The following SLIT2 variants were observed in gnomAD, a reference collection of about 807,000 sequenced individuals.
SLIT2 encodes slit guidance ligand 2.
A neutral mutation model predicts 185.7 loss-of-function variants in SLIT2; 41 were observed. The observed-to-expected ratio is 0.22, with a 90% CI of 0.17 to 0.29. The LOEUF (loss-of-function observed/expected upper bound fraction) is 0.29, where lower values mean the gene tolerates loss of function less well. SLIT2 is among the 10% of genes least tolerant of loss of function. SLIT2 has a pLI of 1.00. For missense variants in SLIT2, 1,571 were observed against 1,909.0 expected, an observed-to-expected ratio of 0.82 and a Z score of 3.30; for synonymous variants, 693 against 680.2, an observed-to-expected ratio of 1.02 and a Z score of -0.29.
At position 20,567,545 on chromosome 4, in the gene SLIT2, G is replaced by A; in HGVS notation, c.2878G>A (p.Ala960Thr). 1 of 1,613,312 alleles carries A rather than the reference G, an allele frequency of 6.2e-7. No homozygotes were observed. Among genetic ancestry groups the A allele is most frequent in the South Asian group, 1.1e-5 (1 of 91,052 alleles). ...GCAGGACTGTGATGTCCCAATTCATGCCTGCATCAGTAACCCATGTAAACA... is the reference window on the plus strand; with the variant it reads ...GCAGGACTGTGATGTCCCAATTCATACCTGCATCAGTAACCCATGTAAACA... Reference protein sequence around the residue: ...KGQDCDVPIHACISNPCKHGG... With the variant: ...KGQDCDVPIHTCISNPCKHGG... The change falls in exon 28 of 37, where the codon GCC becomes ACC. Residue 960 changes from alanine (A) to threonine (T), a missense_variant. By Grantham distance (58) the Ala-to-Thr change is moderately conservative. Transcript: ENST00000504154.
chr4:20,495,133 C>T (rs1718119102), intron 9 of SLIT2, among the ~76,000 whole-genome samples: 1 of 152,086 alleles, frequency 6.6e-6, no homozygotes, highest in South Asian at 2.1e-4. Flanking sequence ...CAATGAGCCA[C>T]CTTTCAGACT....
intron 4 of SLIT2, among the ~76,000 whole-genome samples, chr4:20,353,197 T>A (rs1162642350): frequency 6.6e-6 from 1 of 152,168 alleles, no homozygotes; most frequent in Non-Finnish European, 1.5e-5. Context: ...AATGACATAT[T>A]TCTGCCAGAT....
intron 4 of SLIT2, among the ~76,000 whole-genome samples, chr4:20,384,058 C>T (rs1447275868): frequency 2.0e-5 from 3 of 151,130 alleles, no homozygotes; most frequent in East Asian, 3.9e-4. Context: ...TTTATTCACA[C>T]CAAGGCTTAT....
chr4:20,384,247 G>A (rs763368382), intron 4 of SLIT2, among the ~76,000 whole-genome samples: 8 of 152,166 alleles, frequency 5.3e-5, no homozygotes, highest in Non-Finnish European at 8.8e-5. Flanking sequence ...ACTCTCAAAA[G>A]CATTATGTTA....
In SLIT2 at chr4:20,531,407, C is replaced by T. The variant is rs1295150977; in HGVS notation, c.1614-577C>T. Among the ~76,000 whole-genome samples the T allele has an allele frequency of 2.0e-5, 3 of 152,066 alleles. No individual in the cohort carries two copies. In the East Asian group the frequency reaches 5.8e-4, roughly 29 times the overall value. ...CATGATTCCGTTTATGCAAAATGCC[C>T]AGACTAGGAAAATTAGTAAAAGCAA... On this transcript the variant is annotated intron_variant, in intron 16 of 36. Coordinates refer to ENST00000504154, the MANE Select transcript of SLIT2 (RefSeq NM_004787.4).
At chr4:20,530,522 A>T (rs535137068) in intron 16 of SLIT2, among the ~76,000 whole-genome samples, 7 of 152,164 alleles carry the variant, frequency 4.6e-5, no homozygotes, top group Non-Finnish European at 2.9e-5. Flanking sequence ...AGCTCAAGCA[A>T]TCCTCCTGCC....
chr4:20,390,302 T>C (rs1386944257), intron 4 of SLIT2, among the ~76,000 whole-genome samples: 1 of 152,148 alleles, frequency 6.6e-6, no homozygotes, highest in Non-Finnish European at 1.5e-5. Context: ...CATTGAATAA[T>C]TGACACTATT....
At chr4:20,425,518 G>A (rs1304505779) in intron 4 of SLIT2, among the ~76,000 whole-genome samples, 7 of 152,064 alleles carry the variant, frequency 4.6e-5, no homozygotes, top group South Asian at 4.1e-4. Flanking sequence ...CACGTGTGTG[G>A]TGTATATCTA....
At chr4:20,357,946 CTTAT>C (rs772665778) in intron 4 of SLIT2, among the ~76,000 whole-genome samples, 102 of 151,746 alleles carry the variant, frequency 6.7e-4, no homozygotes, top group Non-Finnish European at 1.1e-3. Flanking sequence ...ATACTTTTTC[CTTAT>C]TTATTTAAGG....
intron 12 of SLIT2, among the ~76,000 whole-genome samples, chr4:20,522,131 G>A (rs186063536): frequency 6.6e-6 from 1 of 151,940 alleles, no homozygotes; most frequent in East Asian, 1.9e-4. Flanking sequence ...ATCACCAAAG[G>A]GACCTTTTCA....
At chr4:20,563,808 A>T (rs963770611) in intron 26 of SLIT2, among the ~76,000 whole-genome samples, 6 of 151,808 alleles carry the variant, frequency 4.0e-5, no homozygotes, top group African/African-American at 1.5e-4. Flanking sequence ...TCTAAGAAAG[A>T]GTGTCAGTAC....
chr4:20,549,746 A>C (rs1244113241), intron 24 of SLIT2, among the ~76,000 whole-genome samples: 3 of 151,558 alleles, frequency 2.0e-5, no homozygotes, highest in African/African-American at 7.3e-5. Flanking sequence ...TATATGAATA[A>C]AAATATATAT....
intron 26 of SLIT2, among the ~76,000 whole-genome samples, chr4:20,564,151 T>C (rs1421217092): frequency 1.3e-5 from 2 of 151,792 alleles, no homozygotes; most frequent in African/African-American, 4.8e-5. Context: ...AGATTAAAGT[T>C]GTCATTCTCC....
At chr4:20,277,308 C>T (rs993995849) in intron 4 of SLIT2, among the ~76,000 whole-genome samples, 2 of 151,994 alleles carry the variant, frequency 1.3e-5, no homozygotes, top group African/African-American at 2.4e-5. Flanking sequence ...AGTAAAGACA[C>T]AAAAGACATT....
chr4:20,429,672 T>C (rs776523175), intron 4 of SLIT2, among the ~76,000 whole-genome samples: 9 of 152,236 alleles, frequency 5.9e-5, no homozygotes, highest in Non-Finnish European at 1.0e-4. Context: ...TCTTTGAGAA[T>C]TGAGTATTTC....
chr4:20,362,831 C>T (rs893451599), intron 4 of SLIT2, among the ~76,000 whole-genome samples: 1 of 151,774 alleles, frequency 6.6e-6, no homozygotes, highest in Non-Finnish European at 1.5e-5. Context: ...TATATTTTAG[C>T]CTAATACTTC....
intron 4 of SLIT2, among the ~76,000 whole-genome samples, chr4:20,339,944 C>G (rs1040608245): frequency 3.3e-5 from 5 of 152,182 alleles, no homozygotes; most frequent in African/African-American, 4.8e-5. Flanking sequence ...AAGGATCATT[C>G]TAATTGCCTT....
chr4:20,477,361 G>A lies in SLIT2; in HGVS notation c.468-3355G>A, dbSNP rs1327993965. On this transcript the variant is annotated intron_variant, in intron 5 of 36. Transcript: ENST00000504154. Reference sequence around the variant, plus strand: ...TTACAGGTGCCCACCGCCACGCCTGGCTAATTTTTGTATTTTTAGTAGAGA... The same window carrying A: ...TTACAGGTGCCCACCGCCACGCCTGACTAATTTTTGTATTTTTAGTAGAGA... Among the ~76,000 whole-genome samples the A allele has an allele frequency of 2.0e-5, 3 of 152,066 alleles. No individual in the cohort carries two copies. The East Asian group carries it at 5.8e-4, about 29-fold the overall frequency.
At position 20,472,377 on chromosome 4, in the gene SLIT2, T is replaced by C. The variant is rs7437217; in HGVS notation, c.467+4554T>C. ...AGATATCTATATAGATATCTATATCTATATATATGTAGATATATAGATATA... is the reference window on the plus strand; with the variant it reads ...AGATATCTATATAGATATCTATATCCATATATATGTAGATATATAGATATA... On this transcript the variant is annotated intron_variant, in intron 5 of 36. Coordinates refer to ENST00000504154, the MANE Select transcript of SLIT2 (RefSeq NM_004787.4). Among the ~76,000 whole-genome samples the C allele has an allele frequency of 6.0e-4, 12 of 19,946 alleles. 1 individual carries two copies. The highest frequency in any genetic ancestry group is 2.8e-3 in the African/African-American group (10 of 3,626). 13.1% of individuals were successfully genotyped at this position (19,946 alleles called of 152,430 possible).
Sources: allele counts gnomAD v4.1 joint callset (sites outside exome capture counted in the v4.1 genomes callset), GRCh38; gene constraint gnomAD v4.1.1; transcripts MANE v1.5; gene names NCBI Gene and HGNC (gene_info 2026-07-23, HGNC 2026-07-21).